The following PGLYRP3 variants were observed in gnomAD, a reference collection of about 807,000 sequenced individuals.
The protein encoded by PGLYRP3 is peptidoglycan recognition protein 3, also known as peptidoglycan recognition protein I alpha.
In PGLYRP3, 39 loss-of-function variants were observed where a neutral mutation model predicts 36.0. The ratio of observed to expected loss-of-function variants is 1.08; its 90% CI spans 0.84 to 1.41. The LOEUF is 1.41. Among genes scored for constraint, PGLYRP3 ranks in the 40% most tolerant of loss-of-function variants. The pLI, the probability that PGLYRP3 is intolerant of heterozygous loss-of-function variation, is 0.00. For missense variants in PGLYRP3, 407 were observed against 427.9 expected (o/e 0.95, Z 0.43); for synonymous variants, 204 against 172.8 (o/e 1.18, Z -1.42).
At chr1:153,301,919 T>C (rs1347415496) in intron 6 of PGLYRP3, among the ~76,000 whole-genome samples, 1 of 152,212 alleles carries the variant, frequency 6.6e-6, no homozygotes, top group Non-Finnish European at 1.5e-5. Flanking sequence ...TAAAGCATTG[T>C]CCCTATTGTA....
Position 153,299,201 on chromosome 1 carries a change from A to G in PGLYRP3, c.759T>C (p.Tyr253=). The G allele has an allele frequency of 6.2e-7, 1 of 1,613,944 alleles. No individual in the cohort carries two copies. The highest frequency in any genetic ancestry group is 2.2e-5 in the East Asian group (1 of 44,876). Residue 253 remains tyrosine (Y), a synonymous_variant, in exon 7 of 8, where the codon TAT becomes TAC. Coordinates refer to ENST00000683862, the MANE Select transcript of PGLYRP3 (RefSeq NM_052891.3). ...CTTGGATGTGCCATCCAACCCCTTC[A>G]TACACGCCACCATCCTGGCCCACCA... ...HFLVGQDGGV[Y]EGVGWHIQGS...
At chr1:153,308,937 C>T (rs1336523896) in intron 2 of PGLYRP3, among the ~76,000 whole-genome samples, 1 of 152,184 alleles carries the variant, frequency 6.6e-6, no homozygotes. Context: ...ACCTACTAAT[C>T]AAACCGTCGG....
rs976591450 is a variant in PGLYRP3, at chr1:153,311,762, T to G, written c.-42+881A>C. Among the ~76,000 whole-genome samples, 3 of 152,344 alleles carry G rather than the reference T, an allele frequency of 2.0e-5. No individual in the cohort carries two copies. In the East Asian group the frequency reaches 5.8e-4, roughly 29 times the overall value. On this transcript the variant is annotated intron_variant, in intron 1 of 7. Coordinates refer to ENST00000683862, the MANE Select transcript of PGLYRP3 (RefSeq NM_052891.3). ...TCATTGCCCTCCAGGGTTTTTAAAC[T>G]GCAATCAGCAGTCCCCAAATGGAAA...
At chr1:153,307,682 T>A (rs6668852) in intron 2 of PGLYRP3, among the ~76,000 whole-genome samples, 2,466 of 152,244 alleles carry the variant, frequency 0.016, 70 homozygotes, top group African/African-American at 0.056. Flanking sequence ...TGGTCTCAAC[T>A]GTGTCTCTTG....
chr1:153,303,948 C>A lies in PGLYRP3; in HGVS notation c.438G>T (p.Gln146His). Residue 146 changes from glutamine (Q) to histidine (H), a missense_variant, in exon 5 of 8, where the codon CAG becomes CAT. Gln to His is a conservative substitution (Grantham distance 24). Coordinates refer to ENST00000683862, the MANE Select transcript of PGLYRP3 (RefSeq NM_052891.3). Reference sequence around the variant, plus strand: ...TATACCTGGGCGACAGGTGACCCTTCTGGATGGCATAGGAGATCAGACCCT... The same window carrying A: ...TATACCTGGGCGACAGGTGACCCTTATGGATGGCATAGGAGATCAGACCCT... ...AAEGLISYAI[Q>H]KGHLSPRYIQ... The A allele has an allele frequency of 6.2e-7, 1 of 1,614,052 alleles. No homozygotes were observed. The highest frequency in any genetic ancestry group is 1.1e-5 in the South Asian group (1 of 91,060).
rs1659475281 is a variant in PGLYRP3, at chr1:153,297,761, A to T, written c.*195T>A. On this transcript the variant is annotated 3_prime_UTR_variant, in exon 8 of 8. Transcript: ENST00000683862. The stretch of plus-strand genomic sequence containing the variant: ...AGGGGAAGTCTAAACTCAGACCAAG[A>T]GGGCTGTGAATGCCCAGCTGTGAGG... The T allele has an allele frequency of 3.4e-6, 2 of 582,544 alleles. No homozygotes were observed. Among genetic ancestry groups the T allele is most frequent in the African/African-American group, 3.8e-5 (2 of 53,188 alleles). 36.1% of individuals were successfully genotyped at this position (582,544 alleles called of 1,614,324 possible). A position where few individuals can be genotyped will look rare whatever the true frequency, so the allele number is the denominator to read the frequency against.
At chr1:153,298,933 G>A (rs1571098286) in intron 7 of PGLYRP3, among the ~76,000 whole-genome samples, 180 bp downstream of exon 7, 1 of 152,158 alleles carries the variant, frequency 6.6e-6, no homozygotes, top group South Asian at 2.1e-4. Context: ...GGATTTGGGG[G>A]TAAATGCTCT....
intron 6 of PGLYRP3, among the ~76,000 whole-genome samples, chr1:153,300,005 G>C (rs904373907): frequency 1.4e-4 from 21 of 152,138 alleles, no homozygotes; most frequent in Non-Finnish European, 2.6e-4. Context: ...GTAGCACCCA[G>C]AGTGATTTTT....
Position 153,297,310 on chromosome 1 carries a change from C to T in PGLYRP3, c.*646G>A, listed in dbSNP as rs1213789252. Among the ~76,000 whole-genome samples the T allele has an allele frequency of 6.6e-6, 1 of 151,004 alleles. No individual in the cohort carries two copies. Among genetic ancestry groups the T allele is most frequent in the Non-Finnish European group, 1.5e-5 (1 of 67,906 alleles). On this transcript the variant is annotated 3_prime_UTR_variant, in exon 8 of 8. Transcript: ENST00000683862. ...AATAATTACAGCCCTTAAGTAAGGGCTGCATCCAAATATGTACCAGTCCAT... is the reference window on the plus strand; with the variant it reads ...AATAATTACAGCCCTTAAGTAAGGGTTGCATCCAAATATGTACCAGTCCAT...
In PGLYRP3 at chr1:153,303,951, G is replaced by C. The variant is rs776199433; in HGVS notation, c.435C>G (p.Ile145Met). The change falls in exon 5 of 8, where the codon ATC becomes ATG. Residue 145 changes from isoleucine (I) to methionine (M), a missense_variant. By Grantham distance (10) the Ile-to-Met change is conservative. Transcript: ENST00000683862. Reference protein sequence around the residue: ...SAAEGLISYAIQKGHLSPRYI... With the variant: ...SAAEGLISYAMQKGHLSPRYI... ...ACCTGGGCGACAGGTGACCCTTCTG[G>C]ATGGCATAGGAGATCAGACCCTCTG... 1.9e-6 allele frequency: 3 copies of C among 1,614,094 alleles called. No individual in the cohort carries two copies. Among genetic ancestry groups the C allele is most frequent in the Non-Finnish European group, 2.5e-6 (3 of 1,179,978 alleles).
chr1:153,303,369 C>T (rs1571102954), intron 5 of PGLYRP3, among the ~76,000 whole-genome samples: 2 of 152,342 alleles, frequency 1.3e-5, no homozygotes, highest in South Asian at 4.1e-4. Flanking sequence ...GTATGTCCTT[C>T]GTGTCCCCAC....
At chr1:153,302,326 A>G in intron 6 of PGLYRP3, 83 bp downstream of exon 6, 2 of 1,467,424 alleles carry the variant, frequency 1.4e-6, no homozygotes, top group Non-Finnish European at 1.9e-6. Context: ...GGAGAGGCTC[A>G]GGAAACATCA....
chr1:153,306,984 A>G (rs1269014355), intron 3 of PGLYRP3, 82 bp downstream of exon 3: 1 of 864,134 alleles, frequency 1.2e-6, no homozygotes. Context: ...AAGCGCAGAA[A>G]ATAAGAGCCA....
intron 7 of PGLYRP3, among the ~76,000 whole-genome samples, chr1:153,298,393 C>A (rs188250304): frequency 6.6e-6 from 1 of 152,106 alleles, no homozygotes. Flanking sequence ...CAGTAGCTCA[C>A]GCCTGTAATC....
chr1:153,304,070 C>T, intron 4 of PGLYRP3, 61 bp from the exon 5 acceptor site: 1 of 1,496,432 alleles, frequency 6.7e-7, no homozygotes, highest in African/African-American at 1.4e-5. Flanking sequence ...AGACCAGACA[C>T]CTGCAGAAAG....
At chr1:153,306,612 C>T (rs1333489950) in intron 3 of PGLYRP3, among the ~76,000 whole-genome samples, 1 of 152,224 alleles carries the variant, frequency 6.6e-6, no homozygotes, top group African/African-American at 2.4e-5. Context: ...TGCTCTCACA[C>T]AGCTCTGGGT....
At position 153,307,194 on chromosome 1, in the gene PGLYRP3, A is replaced by G; in HGVS notation, c.129T>C (p.Pro43=). 3 of 1,612,176 alleles carry G rather than the reference A, an allele frequency of 1.9e-6. No homozygotes were observed. The highest frequency in any genetic ancestry group is 2.5e-6 in the Non-Finnish European group (3 of 1,179,292). Residue 43 remains proline (P), a synonymous_variant, in exon 3 of 8, where the codon CCT becomes CCC. Transcript: ENST00000683862. ...PLACRALLTL[P]VAYIITDQLP... is the part of the protein sequence containing the mutation. ...GCTGGTCTGTGATGATGTAGGCCAC[A>G]GGCAGGGTCAGCAGGGCCCTGCAGG...
intron 4 of PGLYRP3, 125 bp from the exon 5 acceptor site, chr1:153,304,134 C>G: frequency 1.1e-6 from 1 of 902,154 alleles, no homozygotes; most frequent in Non-Finnish European, 1.6e-6. Flanking sequence ...GGAAACTGGT[C>G]CAGTTGCCAG....
intron 6 of PGLYRP3, among the ~76,000 whole-genome samples, chr1:153,300,346 T>G (rs1332482297): frequency 6.6e-6 from 1 of 152,200 alleles, no homozygotes; most frequent in Admixed American, 6.5e-5. Context: ...CCACAAAGCC[T>G]TGATTAGAGA....
Sources: allele counts gnomAD v4.1 joint callset (sites outside exome capture counted in the v4.1 genomes callset), GRCh38; gene constraint gnomAD v4.1.1; transcripts MANE v1.5; gene names NCBI Gene and HGNC (gene_info 2026-07-23, HGNC 2026-07-21).